SLC6A11: variants seen among roughly 807,000 people sequenced by gnomAD.
SLC6A11 encodes the protein sodium- and chloride-dependent GABA transporter 3.
A neutral mutation model predicts 74.8 loss-of-function variants in SLC6A11; 25 were observed. The ratio of observed to expected loss-of-function variants is 0.33; its 90% confidence interval spans 0.24 to 0.47. The LOEUF (loss-of-function observed/expected upper bound fraction) is 0.47, where lower values mean the gene tolerates loss of function less well. Among genes scored for constraint, SLC6A11 ranks in the 20% least tolerant of loss-of-function variants. The probability of loss-of-function intolerance (pLI) is 1.00; values close to 1 mark genes in which losing one functional copy is unlikely to be tolerated. For synonymous variants in SLC6A11, 330 were observed against 330.2 expected, an observed-to-expected ratio of 1.00 and a Z score of 0.01; for missense variants, 574 against 837.0, an observed-to-expected ratio of 0.69 and a Z score of 3.88.
At chr3:10,873,321 T>C (rs1451012388) in intron 5 of SLC6A11, among the ~76,000 whole-genome samples, 1 of 150,442 alleles carries the variant, frequency 6.6e-6, no homozygotes, top group Non-Finnish European at 1.5e-5. Flanking sequence ...CACTGAGTTT[T>C]TTCTGCCCCC....
chr3:10,920,996 T>A (rs765772907), intron 8 of SLC6A11, among the ~76,000 whole-genome samples: 2 of 152,230 alleles, frequency 1.3e-5, no homozygotes, highest in African/African-American at 4.8e-5. Context: ...TTCTGAGGCA[T>A]GATTTTTGGA....
intron 6 of SLC6A11, among the ~76,000 whole-genome samples, chr3:10,901,089 A>G (rs892208858): frequency 6.6e-6 from 1 of 152,198 alleles, no homozygotes; most frequent in African/African-American, 2.4e-5. Context: ...AACACTCCTC[A>G]GGGGACAGCT....
intron 11 of SLC6A11, 36 bp downstream of exon 11, chr3:10,933,289 C>T: frequency 1.4e-6 from 2 of 1,441,658 alleles, no homozygotes; most frequent in Non-Finnish European, 2.0e-6. Flanking sequence ...ACCCCAGCTG[C>T]CCACCAGGTA....
chr3:10,902,710 G>A (rs1695255609), intron 6 of SLC6A11, among the ~76,000 whole-genome samples: 1 of 152,232 alleles, frequency 6.6e-6, no homozygotes, highest in Admixed American at 6.5e-5. Context: ...AAGGCTCAAA[G>A]CATGGAGCCT....
intron 5 of SLC6A11, among the ~76,000 whole-genome samples, chr3:10,855,970 T>C (rs11923141): frequency 0.033 from 5,047 of 152,286 alleles, 215 homozygotes; most frequent in South Asian, 0.1. Flanking sequence ...TTTTTTATTC[T>C]TAGTGTGAGC....
At chr3:10,892,782 G>C (rs1200021709) in intron 6 of SLC6A11, among the ~76,000 whole-genome samples, 5 of 152,070 alleles carry the variant, frequency 3.3e-5, no homozygotes, top group Non-Finnish European at 7.4e-5. Flanking sequence ...GTCATGAGAA[G>C]ATTTTTATAT....
At chr3:10,848,271 G>T (rs1694529644) in intron 5 of SLC6A11, among the ~76,000 whole-genome samples, 1 of 152,208 alleles carries the variant, frequency 6.6e-6, no homozygotes, top group African/African-American at 2.4e-5. Flanking sequence ...TCTAAGTGAG[G>T]ATTTGAGATC....
intron 6 of SLC6A11, among the ~76,000 whole-genome samples, chr3:10,902,846 C>T (rs987850312): frequency 3.3e-5 from 5 of 152,172 alleles, no homozygotes; most frequent in African/African-American, 9.7e-5. Context: ...TGACTCCTCA[C>T]GCTGGCCAGT....
chr3:10,902,935 A>G (rs1695258553), intron 6 of SLC6A11, among the ~76,000 whole-genome samples: 1 of 152,232 alleles, frequency 6.6e-6, no homozygotes, highest in African/African-American at 2.4e-5. Context: ...AAAGGGAGAT[A>G]ATAAATAACA....
At position 10,831,854 on chromosome 3, in the gene SLC6A11, C is replaced by G. The variant is rs145530876; in HGVS notation, c.623+8462C>G. Reference sequence around the variant, plus strand: ...AGTTCTTTCTTTCTCCTATATGCACCTATAGGCCGGCAGAAATATCTAGCC... The same window carrying G: ...AGTTCTTTCTTTCTCCTATATGCACGTATAGGCCGGCAGAAATATCTAGCC... On this transcript the variant is annotated intron_variant, in intron 4 of 13. Transcript: ENST00000254488. 5.1e-3 allele frequency among the ~76,000 whole-genome samples: 773 copies of G among 152,206 alleles called. 8 individuals carry two copies. Among genetic ancestry groups the G allele is most frequent in the African/African-American group, 0.018 (746 of 41,532 alleles).
chr3:10,840,600 C>A (rs1047581657), intron 4 of SLC6A11, among the ~76,000 whole-genome samples: 1 of 152,230 alleles, frequency 6.6e-6, no homozygotes, highest in South Asian at 2.1e-4. Flanking sequence ...GTACAATCCT[C>A]TCTCCTAGTA....
At chr3:10,818,711 T>C (rs1559550467) in intron 1 of SLC6A11, among the ~76,000 whole-genome samples, 1 of 152,244 alleles carries the variant, frequency 6.6e-6, no homozygotes, top group Non-Finnish European at 1.5e-5. Flanking sequence ...AGGGACAGAA[T>C]GAGGGATTTG....
intron 10 of SLC6A11, among the ~76,000 whole-genome samples, chr3:10,932,127 G>A (rs1042753813): frequency 4.6e-5 from 7 of 152,124 alleles, no homozygotes; most frequent in South Asian, 2.1e-4. Context: ...AGAGACCCCC[G>A]CTCTCCCTAT....
intron 6 of SLC6A11, among the ~76,000 whole-genome samples, chr3:10,885,596 A>AG (rs1559571426): frequency 1.8e-5 from 2 of 112,026 alleles, no homozygotes; most frequent in Non-Finnish European, 3.3e-5. Context: ...AGCCCCCATG[A>AG]TAAAAAAAAA....
chr3:10,852,189 C>T (rs1694584718), intron 5 of SLC6A11, among the ~76,000 whole-genome samples: 1 of 152,242 alleles, frequency 6.6e-6, no homozygotes, highest in African/African-American at 2.4e-5. Flanking sequence ...GCAGGACTCT[C>T]CCAGCGGCCA....
chr3:10,927,302 G>C (rs1447587791), intron 9 of SLC6A11, among the ~76,000 whole-genome samples: 2 of 152,190 alleles, frequency 1.3e-5, no homozygotes, highest in African/African-American at 4.8e-5. Flanking sequence ...TGGGGCCCCG[G>C]CTCGGCGAGT....
chr3:10,904,461 T>A (rs1378910255), intron 6 of SLC6A11, among the ~76,000 whole-genome samples: 2 of 152,216 alleles, frequency 1.3e-5, no homozygotes, highest in Non-Finnish European at 2.9e-5. Context: ...CGCCCACAGC[T>A]GCACTGCCAG....
chr3:10,887,693 G>A (rs979923406), intron 6 of SLC6A11, among the ~76,000 whole-genome samples: 12 of 152,154 alleles, frequency 7.9e-5, no homozygotes, highest in South Asian at 6.2e-4. Context: ...TGATCTGCCC[G>A]TCTCAGCCTA....
At chr3:10,844,086 G>T in intron 4 of SLC6A11, 128 bp from the exon 5 acceptor site, 1 of 1,101,174 alleles carries the variant, frequency 9.1e-7, no homozygotes. Flanking sequence ...CTCCCCAGAG[G>T]AGACATTTGG....
Sources: gnomAD v4.1 joint callset for allele counts (sites outside exome capture counted in the v4.1 genomes callset) on GRCh38, gnomAD v4.1.1 for gene constraint, MANE v1.5 for transcripts, NCBI Gene and HGNC (gene_info 2026-07-23, HGNC 2026-07-21) for gene names.